ARHGAP21: variants seen among roughly 807,000 people sequenced by gnomAD.
The protein encoded by ARHGAP21 is Rho GTPase activating protein 21.
A neutral mutation model predicts 164.6 loss-of-function variants in ARHGAP21; 38 were observed. The ratio of observed to expected loss-of-function variants is 0.23; its 90% CI spans 0.18 to 0.30. The LOEUF (loss-of-function observed/expected upper bound fraction) is 0.30. Among genes scored for constraint, ARHGAP21 ranks in the 10% least tolerant of loss-of-function variants. ARHGAP21 has a pLI of 1.00. For missense variants in ARHGAP21, 1,822 were observed against 2,370.7 expected (o/e 0.77, Z 4.81); for synonymous variants, 766 against 857.9 (o/e 0.89, Z 1.87).
rs935247490 is a variant in ARHGAP21 at position 24,638,322 on chromosome 10, C to T, written c.269-3219G>A. On this transcript the variant is annotated intron_variant, in intron 4 of 25. Coordinates refer to ENST00000396432, the MANE Select transcript of ARHGAP21 (RefSeq NM_020824.4). ...TATACTTTTCTTCAATTTCTATACACCTTGACTCTATGTCTTGAGTTAAAC... is the reference window on the plus strand; with the variant it reads ...TATACTTTTCTTCAATTTCTATACATCTTGACTCTATGTCTTGAGTTAAAC... Among the ~76,000 whole-genome samples, 4 of 152,306 alleles carry T rather than the reference C, an allele frequency of 2.6e-5. No homozygotes were observed. The South Asian group carries it at 8.3e-4, about 32-fold the overall frequency.
Position 24,585,849 on chromosome 10 carries a change from C to A in ARHGAP21, c.4440G>T (p.Arg1480Ser). ...KIIIAKENST[R>S]KDPSTTKDEK... ...CATCTTTTGTCGTGCTGGGGTCTTT[C>A]CTAGTGCTGTTTTCTTTGGCAATGA... Residue 1480 changes from arginine (R) to serine (S), a missense_variant, in exon 26 of 26, where the codon AGG becomes AGT. Transcript: ENST00000396432. 1 of 1,613,952 alleles carries A rather than the reference C, an allele frequency of 6.2e-7. No homozygotes were observed. The highest frequency in any genetic ancestry group is 8.5e-7 in the Non-Finnish European group (1 of 1,179,880).
chr10:24,713,845 C>T (rs540847534), intron 2 of ARHGAP21, among the ~76,000 whole-genome samples: 14 of 152,142 alleles, frequency 9.2e-5, no homozygotes, highest in African/African-American at 1.4e-4. Context: ...GCACAAAATG[C>T]CATCATCCAG....
At chr10:24,680,914 G>A (rs1841701959) in intron 2 of ARHGAP21, among the ~76,000 whole-genome samples, 1 of 152,132 alleles carries the variant, frequency 6.6e-6, no homozygotes, top group South Asian at 2.1e-4. Context: ...TGGAATAATA[G>A]CAGTTAAATT....
chr10:24,596,956 C>G, intron 16 of ARHGAP21, 74 bp from the exon 17 acceptor site: 1 of 1,465,740 alleles, frequency 6.8e-7, no homozygotes, highest in South Asian at 1.3e-5. Flanking sequence ...TTTAAAAACA[C>G]TTTATCAATG....
At chr10:24,700,327 G>C (rs1049854553) in intron 2 of ARHGAP21, among the ~76,000 whole-genome samples, 1 of 152,256 alleles carries the variant, frequency 6.6e-6, no homozygotes, top group South Asian at 2.1e-4. Flanking sequence ...GAAGTGCGCC[G>C]CAAGCACGTG....
chr10:24,596,063 CATTTT>C lies in ARHGAP21; in HGVS notation c.3478-25_3478-21del, dbSNP rs759751379. 7.4e-5 allele frequency: 116 copies of C among 1,564,258 alleles called. No individual in the cohort carries two copies. In the South Asian group the frequency reaches 9.3e-4, roughly 13 times the overall value. ...AATATACTGCAAAACAAGAAATAAACATTTTATTTAATGCAGCACAAATGTTTAGT... is the reference window on the plus strand; with the variant it reads ...AATATACTGCAAAACAAGAAATAAACATTTAATGCAGCACAAATGTTTAGT... On this transcript the variant is annotated intron_variant, in intron 17 of 25. Coordinates refer to ENST00000396432, the MANE Select transcript of ARHGAP21 (RefSeq NM_020824.4).
chr10:24,677,065 C>CAA (rs1841324503), intron 2 of ARHGAP21, among the ~76,000 whole-genome samples: 1 of 151,916 alleles, frequency 6.6e-6, no homozygotes, highest in African/African-American at 2.4e-5. Context: ...ACTAAAAATA[C>CAA]AAAAATTAGC....
chr10:24,660,539 C>T (rs982741891), intron 4 of ARHGAP21, among the ~76,000 whole-genome samples: 1 of 152,060 alleles, frequency 6.6e-6, no homozygotes, highest in Non-Finnish European at 1.5e-5. Context: ...CGATCATGGA[C>T]CATGCTTGAA....
At chr10:24,622,440 ATATATATATATATATATATATATAT>A in intron 8 of ARHGAP21, among the ~76,000 whole-genome samples, 1 of 8,602 alleles carries the variant, frequency 1.2e-4, no homozygotes, top group African/African-American at 5.3e-4. Flanking sequence ...AAACATATAT[ATATATATATATATATATATATATAT>A]ATATATATAT....
chr10:24,682,756 CGT>C, intron 2 of ARHGAP21, among the ~76,000 whole-genome samples: 1 of 151,604 alleles, frequency 6.6e-6, no homozygotes, highest in East Asian at 1.9e-4. Flanking sequence ...AATATCTAGA[CGT>C]ATCTAGATGT....
chr10:24,703,291 A>G (rs893416105), intron 2 of ARHGAP21, among the ~76,000 whole-genome samples: 1 of 152,170 alleles, frequency 6.6e-6, no homozygotes, highest in Non-Finnish European at 1.5e-5. Flanking sequence ...CCATCTCTTT[A>G]CTTTTAATGT....
At chr10:24,601,521 G>A (rs184328347) in intron 13 of ARHGAP21, among the ~76,000 whole-genome samples, 15 of 152,130 alleles carry the variant, frequency 9.9e-5, no homozygotes, top group Admixed American at 7.2e-4. Context: ...TCTACTGGAT[G>A]CATATATTGA....
intron 16 of ARHGAP21, 116 bp downstream of exon 16, chr10:24,597,331 T>C (rs2076627625): frequency 2.3e-6 from 3 of 1,324,948 alleles, no homozygotes; most frequent in Non-Finnish European, 3.0e-6. Flanking sequence ...ACTATGAATT[T>C]TGAGCTAGTT....
rs189246667 is a variant in ARHGAP21, at chr10:24,637,735, T to G, written c.269-2632A>C. ...ACTACCATTGTAAAGTCAGACATAC[T>G]TTGCCACTGACAAATCTTTCAATAC... is the stretch of plus-strand genomic sequence containing the variant. On this transcript the variant is annotated intron_variant, in intron 4 of 25. Coordinates refer to ENST00000396432, the MANE Select transcript of ARHGAP21 (RefSeq NM_020824.4). Among the ~76,000 whole-genome samples the G allele has an allele frequency of 5.1e-4, 77 of 152,304 alleles. 1 individual carries two copies. Among genetic ancestry groups the G allele is most frequent in the African/African-American group, 1.2e-3 (50 of 41,582 alleles).
At chr10:24,699,128 CA>C (rs920307280) in intron 2 of ARHGAP21, among the ~76,000 whole-genome samples, 2 of 152,092 alleles carry the variant, frequency 1.3e-5, no homozygotes, top group African/African-American at 4.8e-5. Context: ...TCTATCATTC[CA>C]GACATTCCTT....
At chr10:24,629,271 G>A (rs1038099913) in intron 7 of ARHGAP21, 15 of 151,338 alleles carry the variant, frequency 9.9e-5, no homozygotes, top group African/African-American at 3.7e-4. Flanking sequence ...CCAAAGTGCT[G>A]GGATTACAGG....
At position 24,585,828 on chromosome 10, in the gene ARHGAP21, T is replaced by G. The variant is rs1298892736; in HGVS notation, c.4461A>C (p.Lys1487Asn). 1 of 1,613,968 alleles carries G rather than the reference T, an allele frequency of 6.2e-7. No homozygotes were observed. Among genetic ancestry groups the G allele is most frequent in the South Asian group, 1.1e-5 (1 of 91,082 alleles). The change falls in exon 26 of 26, where the codon AAA becomes AAC. Residue 1487 changes from lysine (K) to asparagine (N), a missense_variant. Physicochemically the swap from Lys to Asn is moderately conservative, Grantham distance 94. Coordinates refer to ENST00000396432, the MANE Select transcript of ARHGAP21 (RefSeq NM_020824.4). ...CTTTTCCTAGTGATATCTTTTCATC[T>G]TTTGTCGTGCTGGGGTCTTTCCTAG... ...NSTRKDPSTT[K>N]DEKISLGKES...
intron 2 of ARHGAP21, among the ~76,000 whole-genome samples, chr10:24,710,960 G>A (rs1037649648): frequency 6.6e-6 from 1 of 151,908 alleles, no homozygotes; most frequent in Non-Finnish European, 1.5e-5. Context: ...TGGGCATGGT[G>A]GAGGGTGCCT....
At chr10:24,587,350 T>C (rs1244340296) in intron 25 of ARHGAP21, among the ~76,000 whole-genome samples, 2 of 152,024 alleles carry the variant, frequency 1.3e-5, no homozygotes, top group Non-Finnish European at 2.9e-5. Flanking sequence ...CACACACTTT[T>C]TAAGACAAGC....
Sources: gnomAD v4.1 joint callset for allele counts (sites outside exome capture counted in the v4.1 genomes callset) on GRCh38, gnomAD v4.1.1 for gene constraint, MANE v1.5 for transcripts, NCBI Gene and HGNC (gene_info 2026-07-23, HGNC 2026-07-21) for gene names.